CNTLN: variants seen among roughly 807,000 people sequenced by gnomAD.
CNTLN encodes centlein, centrosomal protein.
In CNTLN, 212 loss-of-function variants were observed where a neutral mutation model predicts 180.0. That is an observed-to-expected ratio of 1.18 (90% CI 1.05 to 1.32). The LOEUF is 1.32. Ranked by LOEUF, CNTLN falls within the 40% of genes most tolerant of loss-of-function variation. The pLI is 0.00. For missense variants in CNTLN, 2,095 were observed against 1,610.9 expected (o/e 1.30, Z -5.14); for synonymous variants, 722 against 563.1 (o/e 1.28, Z -3.99).
intron 2 of CNTLN, among the ~76,000 whole-genome samples, chr9:17,192,383 C>T (rs1369420677): frequency 2.0e-5 from 3 of 151,822 alleles, no homozygotes; most frequent in East Asian, 1.9e-4. Flanking sequence ...GGATTACAGG[C>T]GCCTGCCACC....
At chr9:17,367,823 G>A (rs570741175) in intron 13 of CNTLN, among the ~76,000 whole-genome samples, 19 of 152,144 alleles carry the variant, frequency 1.2e-4, no homozygotes, top group African/African-American at 4.3e-4. Context: ...AGAGCCCTTG[G>A]GCCCTGAATA....
At chr9:17,315,856 G>T (rs77703092) in intron 8 of CNTLN, among the ~76,000 whole-genome samples, 1 of 151,764 alleles carries the variant, frequency 6.6e-6, no homozygotes, top group Non-Finnish European at 1.5e-5. Context: ...TGTTGTTTAG[G>T]TCTTTATCTG....
intron 2 of CNTLN, among the ~76,000 whole-genome samples, chr9:17,178,513 G>C (rs1820883273): frequency 6.6e-6 from 1 of 152,142 alleles, no homozygotes; most frequent in Non-Finnish European, 1.5e-5. Context: ...CAGCAGGGCG[G>C]GGGCGGGGGG....
chr9:17,448,807 C>G (rs1185060884), intron 18 of CNTLN, among the ~76,000 whole-genome samples: 1 of 151,822 alleles, frequency 6.6e-6, no homozygotes, highest in African/African-American at 2.4e-5. Flanking sequence ...AAAATATTGA[C>G]AAAGAGGGTG....
At chr9:17,359,166 A>G (rs767772059) in intron 12 of CNTLN, among the ~76,000 whole-genome samples, 1 of 152,128 alleles carries the variant, frequency 6.6e-6, no homozygotes, top group South Asian at 2.1e-4. Flanking sequence ...CTACAGGCGC[A>G]TGCCACCATG....
chr9:17,269,745 A>G (rs1041738245), intron 5 of CNTLN, among the ~76,000 whole-genome samples: 31 of 152,108 alleles, frequency 2.0e-4, no homozygotes, highest in Non-Finnish European at 3.4e-4. Flanking sequence ...GTTGAGTGGA[A>G]TATTCTGTAT....
At chr9:17,164,113 A>G (rs1025463019) in intron 2 of CNTLN, among the ~76,000 whole-genome samples, 2 of 151,930 alleles carry the variant, frequency 1.3e-5, no homozygotes, top group African/African-American at 4.8e-5. Context: ...GGAGTTCAAG[A>G]CCAGCCTGTC....
chr9:17,411,792 C>T (rs1827862625), intron 16 of CNTLN, among the ~76,000 whole-genome samples: 1 of 152,056 alleles, frequency 6.6e-6, no homozygotes, highest in Non-Finnish European at 1.5e-5. Context: ...CCCCGACCCA[C>T]TCCACCCCCT....
At chr9:17,390,395 T>A (rs1826021113) in intron 14 of CNTLN, among the ~76,000 whole-genome samples, 2 of 151,804 alleles carry the variant, frequency 1.3e-5, no homozygotes, top group Non-Finnish European at 2.9e-5. Flanking sequence ...TGCGCCACTA[T>A]GCCTGGCTAA....
At chr9:17,334,129 G>C (rs112539416) in intron 10 of CNTLN, among the ~76,000 whole-genome samples, 2 of 151,846 alleles carry the variant, frequency 1.3e-5, no homozygotes, top group Non-Finnish European at 2.9e-5. Context: ...GCATGATCTC[G>C]GCTCACTGCA....
chr9:17,161,207 T>G (rs1819654946), intron 2 of CNTLN, among the ~76,000 whole-genome samples: 1 of 152,130 alleles, frequency 6.6e-6, no homozygotes, highest in Non-Finnish European at 1.5e-5. Flanking sequence ...AGTATGATTT[T>G]ATTCTTATAA....
chr9:17,389,241 G>A (rs1383407752), intron 14 of CNTLN, among the ~76,000 whole-genome samples: 1 of 152,046 alleles, frequency 6.6e-6, no homozygotes, highest in Non-Finnish European at 1.5e-5. Context: ...TAGTAACACA[G>A]AGAACTAGAA....
Position 17,143,275 on chromosome 9 carries a change from T to C in CNTLN, c.361-13T>C, listed in dbSNP as rs1184002065. On this transcript the variant is annotated splice_polypyrimidine_tract_variant and intron_variant, in intron 1 of 25. Coordinates refer to ENST00000380647, the MANE Select transcript of CNTLN (RefSeq NM_017738.4). ...CAAAGCAATGCATCTAAATTCTCTTTTATTTCTTTAAGGCTGATAAAGAAT... is the reference window on the plus strand; with the variant it reads ...CAAAGCAATGCATCTAAATTCTCTTCTATTTCTTTAAGGCTGATAAAGAAT... The C allele has an allele frequency of 6.3e-7, 1 of 1,597,062 alleles. No individual in the cohort carries two copies. The highest frequency in any genetic ancestry group is 1.1e-5 in the South Asian group (1 of 88,748).
intron 18 of CNTLN, among the ~76,000 whole-genome samples, chr9:17,440,172 G>T (rs1830020498): frequency 6.6e-6 from 1 of 152,112 alleles, no homozygotes; most frequent in South Asian, 2.1e-4. Context: ...CTATGGGAAT[G>T]TAAAATGGCA....
At chr9:17,162,897 T>C (rs1347045008) in intron 2 of CNTLN, among the ~76,000 whole-genome samples, 2 of 152,204 alleles carry the variant, frequency 1.3e-5, no homozygotes, top group African/African-American at 4.8e-5. Context: ...GGATGTTAAC[T>C]GTATTTTTAG....
intron 18 of CNTLN, among the ~76,000 whole-genome samples, chr9:17,445,143 A>G (rs2134070125): frequency 6.6e-6 from 1 of 152,280 alleles, no homozygotes; most frequent in South Asian, 2.1e-4. Flanking sequence ...TGAAATTTAT[A>G]CAGGGAATAG....
chr9:17,447,624 G>A (rs539028015), intron 18 of CNTLN: 1 of 153,328 alleles, frequency 6.5e-6, no homozygotes, highest in African/African-American at 2.4e-5. Flanking sequence ...TCAAATATGA[G>A]TGGTTTATTC....
chr9:17,286,707 G>C (rs1449101525), intron 6 of CNTLN, among the ~76,000 whole-genome samples: 1 of 110,208 alleles, frequency 9.1e-6, no homozygotes, highest in Non-Finnish European at 1.8e-5. Flanking sequence ...AGTTCTCCTT[G>C]AAGAGGTCCT....
intron 23 of CNTLN, among the ~76,000 whole-genome samples, chr9:17,479,308 G>T (rs1832515173): frequency 6.6e-6 from 1 of 152,146 alleles, no homozygotes; most frequent in South Asian, 2.1e-4. Context: ...TCCATCAAGA[G>T]ATGAATGAAT....
Sources: gnomAD v4.1 joint callset for allele counts (sites outside exome capture counted in the v4.1 genomes callset) on GRCh38, gnomAD v4.1.1 for gene constraint, MANE v1.5 for transcripts, NCBI Gene and HGNC (gene_info 2026-07-23, HGNC 2026-07-21) for gene names.